NTRK2: variants seen among roughly 807,000 people sequenced by gnomAD.
NTRK2 encodes the protein BDNF/NT-3 growth factors receptor.
In NTRK2, 13 loss-of-function variants were observed where a neutral mutation model predicts 94.5. The observed-to-expected ratio is 0.14, with a 90% CI of 0.09 to 0.22. The LOEUF is 0.22. NTRK2 is among the 10% of genes least tolerant of loss of function. The pLI, the probability that NTRK2 is intolerant of heterozygous loss-of-function variation, is 1.00. For missense variants in NTRK2, 639 were observed against 1,071.2 expected (o/e 0.60, Z 5.63); for synonymous variants, 372 against 407.4 (o/e 0.91, Z 1.05).
intron 6 of NTRK2, among the ~76,000 whole-genome samples, chr9:84,719,964 G>A (rs1564120457): frequency 6.8e-6 from 1 of 147,006 alleles, no homozygotes; most frequent in Non-Finnish European, 1.5e-5. Flanking sequence ...AGGTTGCAGT[G>A]AGCAGAGATT....
intron 12 of NTRK2, among the ~76,000 whole-genome samples, chr9:84,780,948 T>G (rs1564257625): frequency 1.3e-5 from 2 of 152,186 alleles, no homozygotes; most frequent in African/African-American, 4.8e-5. Flanking sequence ...AAAAAAGGTA[T>G]GGTTCTGATA....
chr9:84,818,082 A>T (rs969866803), intron 12 of NTRK2, among the ~76,000 whole-genome samples: 1 of 152,180 alleles, frequency 6.6e-6, no homozygotes, highest in Non-Finnish European at 1.5e-5. Flanking sequence ...CTTCAAACTT[A>T]AGTGTTTCAT....
At position 84,978,807 on chromosome 9, in the gene NTRK2, G is replaced by A. The variant is rs1004721911; in HGVS notation, c.2172+23290G>A. Among the ~76,000 whole-genome samples the A allele has an allele frequency of 3.9e-5, 6 of 152,328 alleles. No homozygotes were observed. In the South Asian group the frequency reaches 1.0e-3, roughly 26 times the overall value. ...GGGCTAATGCAGCTGGTGACTTTAA[G>A]TTGAAGTCAATGTTTATTTACCATT... is the stretch of plus-strand genomic sequence containing the variant. On this transcript the variant is annotated intron_variant, in intron 17 of 18. Transcript: ENST00000277120.
At chr9:84,812,360 G>T in intron 12 of NTRK2, 1 of 1,058,668 alleles carries the variant, frequency 9.4e-7, no homozygotes, top group East Asian at 5.2e-5. Context: ...CCTTAAAGAG[G>T]GGCAGTTTCT....
rs1265141991 is a variant in NTRK2 at position 84,670,649 on chromosome 9, A to C, written c.-100A>C. The C allele has an allele frequency of 1.7e-6, 2 of 1,197,850 alleles. No homozygotes were observed. The highest frequency in any genetic ancestry group is 1.5e-5 in the African/African-American group (1 of 67,228). The allele number at this position is 1,197,850 out of a possible 1,614,324, so 74.2% of individuals were successfully genotyped here. On this transcript the variant is annotated 5_prime_UTR_variant, in exon 2 of 19. Coordinates refer to ENST00000277120, the MANE Select transcript of NTRK2 (RefSeq NM_006180.6). ...CGCCCGCAACAAGCACCGAGGAGTT[A>C]AGAGAGCCGCAAGCGCAGGGAAGGC...
rs57196652 is a variant in NTRK2, at chr9:84,811,364, T to C, written c.1397-49676T>C. On this transcript the variant is annotated intron_variant, in intron 12 of 18. Coordinates refer to ENST00000277120, the MANE Select transcript of NTRK2 (RefSeq NM_006180.6). ...CAAGAACAAGCAGCAACAGCTGTTTTGTTGGGGCTATAGATTTAAGTTAGG... is the reference window on the plus strand; with the variant it reads ...CAAGAACAAGCAGCAACAGCTGTTTCGTTGGGGCTATAGATTTAAGTTAGG... 208 of 1,065,946 alleles carry C rather than the reference T, an allele frequency of 2.0e-4. 1 individual carries two copies. The African/African-American group carries it at 2.8e-3, about 14-fold the overall frequency. The allele number at this position is 1,065,946 out of a possible 1,614,324, so 66.0% of individuals were successfully genotyped here. A position where few individuals can be genotyped will look rare whatever the true frequency, so the allele number is the denominator to read the frequency against.
chr9:84,812,026 A>C (rs975717603), intron 12 of NTRK2: 2 of 1,060,496 alleles, frequency 1.9e-6, no homozygotes, highest in Non-Finnish European at 2.3e-6. Context: ...CAGACGCCAT[A>C]GCTGGATTGG....
At chr9:84,767,304 C>T (rs2066129989) in intron 12 of NTRK2, among the ~76,000 whole-genome samples, 1 of 152,150 alleles carries the variant, frequency 6.6e-6, no homozygotes, top group Admixed American at 6.6e-5. Context: ...TATTTTTCCT[C>T]CTCACAATGG....
intron 14 of NTRK2, chr9:84,872,675 C>A (rs1193865502): frequency 9.4e-7 from 1 of 1,064,336 alleles, no homozygotes; most frequent in Non-Finnish European, 1.1e-6. Context: ...GTGTGCCATA[C>A]TTCTCCAGCT....
intron 3 of NTRK2, 55 bp downstream of exon 3, chr9:84,702,288 C>G (rs2060781177): frequency 7.5e-6 from 12 of 1,608,466 alleles, no homozygotes; most frequent in Admixed American, 3.3e-5. Context: ...GTTGTCTGCT[C>G]TGGTCAGGCA....
Position 84,727,766 on chromosome 9 carries a change from A to C in NTRK2, c.966A>C (p.Ala322=), listed in dbSNP as rs758925799. The change falls in exon 9 of 19, where the codon GCA becomes GCC. Residue 322 remains alanine, a synonymous_variant. Transcript: ENST00000277120. ...CGCTTCAGTGGTTCTATAACGGGGC[A>C]ATATTGAATGAGTCCAAATACATCT... ...KPALQWFYNG[A]ILNESKYICT... 1 of 1,614,242 alleles carries C rather than the reference A, an allele frequency of 6.2e-7. No homozygotes were observed.
At chr9:84,820,459 C>T (rs974191980) in intron 12 of NTRK2, among the ~76,000 whole-genome samples, 7 of 152,102 alleles carry the variant, frequency 4.6e-5, no homozygotes, top group African/African-American at 2.4e-5. Context: ...TGTGAGCCAC[C>T]GTGCCCAGCC....
chr9:84,962,820 C>G (rs972105214), intron 17 of NTRK2, among the ~76,000 whole-genome samples: 1 of 152,174 alleles, frequency 6.6e-6, no homozygotes, highest in African/African-American at 2.4e-5. Context: ...GGAAGAGCAT[C>G]CAATTTGGAG....
At chr9:84,801,058 A>G (rs1378518229) in intron 12 of NTRK2, among the ~76,000 whole-genome samples, 3 of 152,248 alleles carry the variant, frequency 2.0e-5, no homozygotes, top group Non-Finnish European at 4.4e-5. Context: ...GAGCTACTGC[A>G]GGCAGGGTTG....
intron 12 of NTRK2, among the ~76,000 whole-genome samples, chr9:84,802,775 G>A (rs1482043080): frequency 6.6e-6 from 1 of 152,138 alleles, no homozygotes; most frequent in Non-Finnish European, 1.5e-5. Flanking sequence ...TTTGAAATGG[G>A]TCACCTGCTA....
chr9:84,985,506 C>T lies in NTRK2; in HGVS notation c.2172+29989C>T, dbSNP rs534438945. On this transcript the variant is annotated intron_variant, in intron 17 of 18. Coordinates refer to ENST00000277120, the MANE Select transcript of NTRK2 (RefSeq NM_006180.6). ...CAGTACAGCCTAAAGGTCTGTTAATCGCTGGTAGCCTGATCTTTCAGCTAT... is the reference window on the plus strand; with the variant it reads ...CAGTACAGCCTAAAGGTCTGTTAATTGCTGGTAGCCTGATCTTTCAGCTAT... 2.8e-4 allele frequency among the ~76,000 whole-genome samples: 42 copies of T among 152,296 alleles called. No homozygotes were observed. In the South Asian group the frequency reaches 7.7e-3, roughly 28 times the overall value.
chr9:84,675,248 A>G (rs72737649), intron 2 of NTRK2, among the ~76,000 whole-genome samples: 8,326 of 151,360 alleles, frequency 0.055, 368 homozygotes, highest in African/African-American at 0.11. Flanking sequence ...TCATAGGAGT[A>G]TAAAAACTAG....
intron 12 of NTRK2, among the ~76,000 whole-genome samples, chr9:84,779,182 C>G (rs947274382): frequency 1.3e-5 from 2 of 152,154 alleles, no homozygotes. Flanking sequence ...TAATAAAAAT[C>G]CACCAAACAT....
At chr9:84,914,872 T>C (rs1724177026) in intron 14 of NTRK2, among the ~76,000 whole-genome samples, 2 of 152,216 alleles carry the variant, frequency 1.3e-5, no homozygotes, top group Admixed American at 1.3e-4. Flanking sequence ...TCTTCACCTT[T>C]CAGTCTTCTT....
Sources: gnomAD v4.1 joint callset for allele counts (sites outside exome capture counted in the v4.1 genomes callset) on GRCh38, gnomAD v4.1.1 for gene constraint, MANE v1.5 for transcripts, NCBI Gene and HGNC (gene_info 2026-07-23, HGNC 2026-07-21) for gene names.